Variants in SPMIP7 observed in about 807,000 individuals in gnomAD.
SPMIP7 encodes protein SPMIP7.
chr7:50,096,500 C>G, the SPMIP7 span: 8 of 1,551,566 alleles, frequency 5.2e-6, no homozygotes, highest in Non-Finnish European at 7.0e-6. Flanking sequence ...TGTGAAACCT[C>G]AACATCGAGT....
the SPMIP7 span, among the ~76,000 whole-genome samples, chr7:50,145,557 C>CAT: frequency 6.6e-4 from 47 of 71,366 alleles, no homozygotes; most frequent in African/African-American, 1.6e-3. Flanking sequence ...ATTATATATA[C>CAT]ATATATATAT....
the SPMIP7 span, among the ~76,000 whole-genome samples, chr7:50,134,848 G>A: frequency 1.3e-5 from 2 of 152,136 alleles, no homozygotes; most frequent in Non-Finnish European, 2.9e-5. Context: ...GAATCTGTTT[G>A]TATTACTCCA....
the SPMIP7 span, chr7:50,151,349 T>G: frequency 1.0e-6 from 1 of 962,536 alleles, no homozygotes. Context: ...AGACTGCATA[T>G]TTCTTTATAT....
chr7:50,131,902 C>T, the SPMIP7 span, among the ~76,000 whole-genome samples: 15 of 152,226 alleles, frequency 9.9e-5, no homozygotes, highest in African/African-American at 3.4e-4. Context: ...AATGACAACA[C>T]GTGTGGACCT....
the SPMIP7 span, among the ~76,000 whole-genome samples, chr7:50,138,685 A>G: frequency 6.6e-6 from 1 of 152,258 alleles, no homozygotes; most frequent in Non-Finnish European, 1.5e-5. Context: ...TCGAAAATCA[A>G]TATCAAGGAT....
At chr7:50,159,224 G>A in the SPMIP7 span, 38 of 1,533,504 alleles carry the variant, frequency 2.5e-5, no homozygotes, top group South Asian at 4.4e-4. Context: ...GGCTTGTGCG[G>A]CGGTGGGAAA....
At chr7:50,111,199 A>G in the SPMIP7 span, among the ~76,000 whole-genome samples, 1 of 151,486 alleles carries the variant, frequency 6.6e-6, no homozygotes, top group Admixed American at 6.6e-5. Flanking sequence ...GCCATGGAAA[A>G]CTAAGACACA....
At chr7:50,125,137 CACACAT>C in the SPMIP7 span, among the ~76,000 whole-genome samples, 30 of 38,912 alleles carry the variant, frequency 7.7e-4, 1 homozygote, top group African/African-American at 6.1e-4. Flanking sequence ...CACACACACA[CACACAT>C]ATACACACAT....
the SPMIP7 span, among the ~76,000 whole-genome samples, chr7:50,099,982 G>T: frequency 6.6e-6 from 1 of 152,082 alleles, no homozygotes; most frequent in African/African-American, 2.4e-5. Flanking sequence ...TGCTGGACAC[G>T]AATGAATCAA....
the SPMIP7 span, chr7:50,136,293 C>G: frequency 1.5e-6 from 1 of 662,212 alleles, no homozygotes; most frequent in Non-Finnish European, 2.7e-6. Flanking sequence ...GGAGAGCATC[C>G]CAGGGACTCC....
chr7:50,123,090 T>C, the SPMIP7 span, among the ~76,000 whole-genome samples: 1 of 137,024 alleles, frequency 7.3e-6, no homozygotes, highest in African/African-American at 2.9e-5. Flanking sequence ...GGGCTATAAA[T>C]CATGCTGCTA....
chr7:50,108,239 G>C, the SPMIP7 span, among the ~76,000 whole-genome samples: 2 of 152,240 alleles, frequency 1.3e-5, no homozygotes, highest in East Asian at 3.9e-4. Context: ...CACACAACAT[G>C]TAGAAGACAG....
the SPMIP7 span, among the ~76,000 whole-genome samples, chr7:50,121,902 C>T: frequency 6.6e-5 from 10 of 152,166 alleles, no homozygotes; most frequent in East Asian, 5.8e-4. Flanking sequence ...GATGATCCTC[C>T]GGCCTCGACC....
chr7:50,103,725 G>A, the SPMIP7 span, among the ~76,000 whole-genome samples: 2 of 152,014 alleles, frequency 1.3e-5, no homozygotes, highest in Non-Finnish European at 2.9e-5. Context: ...TGACAACCTG[G>A]TTAGACTAGG....
the SPMIP7 span, among the ~76,000 whole-genome samples, chr7:50,140,746 A>G: frequency 6.6e-6 from 1 of 152,182 alleles, no homozygotes; most frequent in Non-Finnish European, 1.5e-5. Flanking sequence ...CCCTCTCATT[A>G]CTCGGCCTCT....
chr7:50,132,553 A>G, the SPMIP7 span, among the ~76,000 whole-genome samples: 1 of 152,176 alleles, frequency 6.6e-6, no homozygotes, highest in African/African-American at 2.4e-5. Flanking sequence ...AAAATTCCAT[A>G]AAATATTTAT....
chr7:50,104,428 G>C, the SPMIP7 span: 6 of 1,267,478 alleles, frequency 4.7e-6, no homozygotes, highest in South Asian at 1.6e-5. Flanking sequence ...TTTTCTTCTG[G>C]GTGGTGTTAT....
chr7:50,146,613 G>C, the SPMIP7 span, among the ~76,000 whole-genome samples: 1 of 152,104 alleles, frequency 6.6e-6, no homozygotes, highest in African/African-American at 2.4e-5. Context: ...AGTTTTATTT[G>C]CATTTGTCAT....
chr7:50,108,003 G>C, the SPMIP7 span, among the ~76,000 whole-genome samples: 1 of 152,074 alleles, frequency 6.6e-6, no homozygotes, highest in Non-Finnish European at 1.5e-5. Flanking sequence ...ATTTTGTCAG[G>C]TCTTGTTAAA....
Sources: gnomAD v4.1 joint callset for allele counts (sites outside exome capture counted in the v4.1 genomes callset) on GRCh38, gnomAD v4.1.1 for gene constraint, MANE v1.5 for transcripts, NCBI Gene and HGNC (gene_info 2026-07-23, HGNC 2026-07-21) for gene names.